Variants in ANKRD26 observed in about 807,000 individuals in gnomAD.
ANKRD26 encodes ankyrin repeat domain-containing protein 26.
Under a neutral mutation model 208.7 loss-of-function variants are expected in ANKRD26, and 141 were observed. The ratio of observed to expected loss-of-function variants is 0.68; its 90% confidence interval spans 0.59 to 0.78. ANKRD26 has a LOEUF of 0.78. Ranked by LOEUF, ANKRD26 falls within the 30% of genes least tolerant of loss-of-function variation. The pLI is 0.00. For synonymous variants in ANKRD26, 636 were observed against 660.4 expected (o/e 0.96, Z 0.57); for missense variants, 1,889 against 1,938.7 (o/e 0.97, Z 0.48).
At chr10:27,042,326 C>T (rs114394686) in intron 20 of ANKRD26, among the ~76,000 whole-genome samples, 201 of 152,264 alleles carry the variant, frequency 1.3e-3, no homozygotes, top group African/African-American at 3.8e-3. Context: ...AAATGTAAGA[C>T]GCAAAACTGG....
intron 33 of ANKRD26, 115 bp from the exon 34 acceptor site, chr10:27,005,838 G>A (rs2134790679): frequency 7.7e-7 from 1 of 1,294,752 alleles, no homozygotes; most frequent in South Asian, 1.7e-5. Context: ...AGAAAAATAT[G>A]TATGCACAAC....
Position 26,992,475 on chromosome 10 carries a change from C to T in ANKRD26, c.*30-470G>A, listed in dbSNP as rs187851141. Among the ~76,000 whole-genome samples the T allele has an allele frequency of 1.4e-4, 20 of 139,270 alleles. No homozygotes were observed. The East Asian group carries it at 3.9e-3, about 27-fold the overall frequency. 91.4% of individuals were successfully genotyped at this position (139,270 alleles called of 152,430 possible). A position where few individuals can be genotyped will look rare whatever the true frequency, so the allele number is the denominator to read the frequency against. On this transcript the variant is annotated intron_variant, in intron 5 of 5. Coordinates refer to the ANKRD26 transcript ENST00000445828. ...AAGATAAAATACACACACGTACACA[C>T]ACACACACACACACACACACACACA...
At chr10:27,085,687 G>T (rs1323642712) in intron 5 of ANKRD26, among the ~76,000 whole-genome samples, 3 of 152,032 alleles carry the variant, frequency 2.0e-5, no homozygotes, top group Non-Finnish European at 4.4e-5. Context: ...AATTTTTAGT[G>T]ACCCAAATCA....
intron 25 of ANKRD26, among the ~76,000 whole-genome samples, chr10:27,032,648 A>C (rs2053909496): frequency 6.6e-6 from 1 of 151,340 alleles, no homozygotes; most frequent in African/African-American, 2.4e-5. Context: ...AAAAAAAACA[A>C]AAAACAAAAA....
At chr10:27,095,095 C>CT (rs2056424496) in intron 1 of ANKRD26, among the ~76,000 whole-genome samples, 1 of 152,048 alleles carries the variant, frequency 6.6e-6, no homozygotes, top group African/African-American at 2.4e-5. Flanking sequence ...TGGAATGCCA[C>CT]TTGTAATTCA....
intron 4 of ANKRD26, among the ~76,000 whole-genome samples, chr10:27,090,185 C>G (rs1248331203): frequency 6.6e-6 from 1 of 152,168 alleles, no homozygotes; most frequent in Non-Finnish European, 1.5e-5. Context: ...GTGGCTCATG[C>G]CTGTGATCCT....
At chr10:26,965,703 A>G in the ANKRD26 span, among the ~76,000 whole-genome samples, 6 of 152,366 alleles carry the variant, frequency 3.9e-5, no homozygotes, top group Admixed American at 2.0e-4. Flanking sequence ...CAACCTACAG[A>G]ATGGGAGAAA....
the ANKRD26 span, among the ~76,000 whole-genome samples, chr10:26,963,874 TTTTG>T: frequency 5.9e-5 from 9 of 151,308 alleles, no homozygotes; most frequent in Non-Finnish European, 1.0e-4. Context: ...TTTTATTGGT[TTTTG>T]TTTGTTTGTT....
intron 27 of ANKRD26, 63 bp from the exon 28 acceptor site, chr10:27,024,622 A>C: frequency 1.1e-6 from 1 of 927,564 alleles, no homozygotes; most frequent in South Asian, 1.4e-5. Context: ...TCTTAAAACT[A>C]TTATTTCTTA....
chr10:27,050,219 C>CAAAAAAAAAAA lies in ANKRD26; in HGVS notation c.1636-1251_1636-1241dup, dbSNP rs67384671. Among the ~76,000 whole-genome samples the CAAAAAAAAAAA allele has an allele frequency of 2.2e-3, 74 of 33,042 alleles. 1 individual carries two copies. Among genetic ancestry groups the CAAAAAAAAAAA allele is most frequent in the East Asian group, 3.5e-3 (3 of 848 alleles). 21.7% of individuals were successfully genotyped at this position (33,042 alleles called of 152,430 possible). On this transcript the variant is annotated intron_variant, in intron 16 of 33. Coordinates refer to ENST00000376087, the MANE Select transcript of ANKRD26 (RefSeq NM_014915.3). ...TGGGCAATAGAGTAAGAATCTGTCT[C>CAAAAAAAAAAA]AAAAAAAAAAAAAAAAAAAAAAAAA...
chr10:27,043,651 T>C (rs1357469212), intron 19 of ANKRD26, 84 bp from the exon 20 acceptor site: 3 of 1,394,586 alleles, frequency 2.2e-6, no homozygotes, highest in African/African-American at 2.9e-5. Flanking sequence ...TCTTTCTAAA[T>C]GAGCAAAAAC....
the ANKRD26 span, among the ~76,000 whole-genome samples, chr10:26,949,546 C>T: frequency 2.0e-5 from 3 of 152,082 alleles, no homozygotes; most frequent in Admixed American, 6.6e-5. Flanking sequence ...CACTCTGTCG[C>T]CCAGGCTGGA....
downstream of ANKRD26, among the ~76,000 whole-genome samples, chr10:27,001,808 C>T (rs2052732009): frequency 6.6e-6 from 1 of 152,144 alleles, no homozygotes; most frequent in African/African-American, 2.4e-5. Context: ...TTATCTATGT[C>T]AGCAGCTCGA....
rs184165166 is a variant in ANKRD26, at chr10:26,984,197, C to T, written c.490-1384G>A. Among the ~76,000 whole-genome samples, 26 of 152,282 alleles carry T rather than the reference C, an allele frequency of 1.7e-4. No individual in the cohort carries two copies. The East Asian group carries it at 4.4e-3, about 26-fold the overall frequency. ...TCCATAAGATAGCAATTGCCAGTAT[C>T]CCTAGGATAATCATCATAATGGCTA... On this transcript the variant is annotated intron_variant and NMD_transcript_variant, in intron 3 of 5. Transcript: ENST00000674670.
the ANKRD26 span, among the ~76,000 whole-genome samples, chr10:26,950,437 A>G: frequency 0.35 from 50,330 of 143,912 alleles, 10,593 homozygotes; most frequent in Non-Finnish European, 0.49. Flanking sequence ...AAAACGTACT[A>G]ATATACTCAT....
intron 32 of ANKRD26, among the ~76,000 whole-genome samples, chr10:27,009,010 T>C (rs1220548301): frequency 1.3e-5 from 2 of 152,136 alleles, no homozygotes; most frequent in Non-Finnish European, 2.9e-5. Context: ...CAGCTAATTT[T>C]TGTATTTTTT....
chr10:27,080,094 T>C, intron 6 of ANKRD26: 1 of 393,320 alleles, frequency 2.5e-6, no homozygotes, highest in Non-Finnish European at 5.1e-6. Flanking sequence ...GAAGCAGAGA[T>C]TGCAGTGAGC....
At position 27,022,641 on chromosome 10, in the gene ANKRD26, C is replaced by T; in HGVS notation, c.4132G>A (p.Glu1378Lys). The T allele has an allele frequency of 6.3e-7, 1 of 1,579,354 alleles. No homozygotes were observed. ...KMTRKKLNEY[E>K]NGEFSFHGDL... ...CCATGGAAACTAAATTCTCCATTTT[C>T]ATATTCATTTAACTTCTTTCTTGTC... Residue 1378 changes from glutamate (E) to lysine (K), a missense_variant, in exon 29 of 34, where the codon GAA (glutamate) becomes AAA (lysine). Glu to Lys is a moderately conservative substitution (Grantham distance 56, BLOSUM62 1). Around this residue, in one of 3 missense-constraint regions of ANKRD26, gnomAD observed 613 missense variants for 648.2 expected, o/e 0.95. Coordinates refer to ENST00000376087, the MANE Select transcript of ANKRD26 (RefSeq NM_014915.3).
Position 27,005,441 on chromosome 10 carries a change from C to T in ANKRD26, c.*149G>A. On this transcript the variant is annotated 3_prime_UTR_variant, in exon 34 of 34. Coordinates refer to ENST00000376087, the MANE Select transcript of ANKRD26 (RefSeq NM_014915.3). Reference sequence around the variant, plus strand: ...AAATCCACTTAAAAGTTAAAGAAGCCAAGTAACATTGTTTAAAATACTATA... The same window carrying T: ...AAATCCACTTAAAAGTTAAAGAAGCTAAGTAACATTGTTTAAAATACTATA... 3 of 1,388,184 alleles carry T rather than the reference C, an allele frequency of 2.2e-6. No individual in the cohort carries two copies. Among genetic ancestry groups the T allele is most frequent in the Non-Finnish European group, 2.8e-6 (3 of 1,074,482 alleles). The allele number at this position is 1,388,184 out of a possible 1,614,324, so 86.0% of individuals were successfully genotyped here. A position where few individuals can be genotyped will look rare whatever the true frequency, so the allele number is the denominator to read the frequency against.
Sources: allele counts gnomAD v4.1 joint callset (sites outside exome capture counted in the v4.1 genomes callset), GRCh38; gene constraint gnomAD v4.1.1; regional missense constraint gnomAD v4.1.1; transcripts MANE v1.5; gene names NCBI Gene and HGNC (gene_info 2026-07-23, HGNC 2026-07-21).